Variants in EIF4G2 observed in about 807,000 individuals in gnomAD.
The protein encoded by EIF4G2 is eukaryotic translation initiation factor 4 gamma 2.
EIF4G2 carries 8 observed loss-of-function variants against 117.7 expected under a neutral mutation model. The observed-to-expected ratio is 0.07, with a 90% CI of 0.04 to 0.12. The LOEUF (loss-of-function observed/expected upper bound fraction) is 0.12, where lower values mean the gene tolerates loss of function less well. Among genes scored for constraint, EIF4G2 ranks in the 10% least tolerant of loss-of-function variants. EIF4G2 has a pLI of 1.00. For missense variants in EIF4G2, 812 were observed against 1,086.2 expected (o/e 0.75, Z 3.55); for synonymous variants, 413 against 367.8 (o/e 1.12, Z -1.41).
At chr11:10,805,876 A>G (rs755173121) in intron 4 of EIF4G2, 31 bp downstream of exon 4, 14 of 1,614,132 alleles carry the variant, frequency 8.7e-6, no homozygotes, top group Non-Finnish European at 1.1e-5. Flanking sequence ...CACACTTCCC[A>G]TCTTTTAGTA....
chr11:10,801,577 T>G, intron 14 of EIF4G2, 84 bp downstream of exon 14: 1 of 1,220,122 alleles, frequency 8.2e-7, no homozygotes, highest in Non-Finnish European at 1.2e-6. Context: ...AAAGTCCTCT[T>G]AATAACGCGT....
In EIF4G2 at chr11:10,803,388, C is replaced by T; in HGVS notation, c.813+92G>A. On this transcript the variant is annotated intron_variant, in intron 9 of 21. Transcript: ENST00000339995. The surrounding 1 kb of genome is among the most constrained non-coding windows in gnomAD (Gnocchi z 4.0). ...TCTAAAATTATAACCCAGTTAATGG[C>T]TAAATATGGCAATCCCTTATGATGT... The T allele has an allele frequency of 2.6e-6, 4 of 1,554,072 alleles. No individual in the cohort carries two copies. The South Asian group carries it at 3.4e-5, about 13-fold the overall frequency.
Position 10,799,444 on chromosome 11 carries a change from G to C in EIF4G2, c.2325-20C>G. 1.2e-6 allele frequency: 2 copies of C among 1,611,424 alleles called. No homozygotes were observed. The highest frequency in any genetic ancestry group is 1.1e-5 in the South Asian group (1 of 91,068). On this transcript the variant is annotated intron_variant, in intron 19 of 21. Coordinates refer to ENST00000339995, the MANE Select transcript of EIF4G2 (RefSeq NM_001418.4). ...AAGAAGCTGGACAGAAAGAGGTCTT[G>C]TTAGAACCCAACAGTGAGTTTTCTT...
intron 11 of EIF4G2, 35 bp downstream of exon 11, chr11:10,802,995 G>A (rs1421439871): frequency 6.3e-7 from 1 of 1,588,138 alleles, no homozygotes; most frequent in Admixed American, 1.7e-5. Flanking sequence ...CACACACAGA[G>A]TCTATGTGAC....
At chr11:10,806,338 T>C (rs1306168383) in intron 3 of EIF4G2, 1 of 427,650 alleles carries the variant, frequency 2.3e-6, no homozygotes, top group East Asian at 4.2e-5. Context: ...GAACCACATT[T>C]TGAAAATTAA....
intron 1 of EIF4G2, 50 bp downstream of exon 1, chr11:10,808,655 G>A: frequency 6.0e-6 from 2 of 335,494 alleles, no homozygotes; most frequent in South Asian, 6.9e-5. Context: ...GACCAGGGAC[G>A]GCGGCCATTT....
chr11:10,801,138 CA>C (rs1564981880), intron 14 of EIF4G2, 51 bp from the exon 15 acceptor site: 1 of 1,607,254 alleles, frequency 6.2e-7, no homozygotes, highest in East Asian at 2.2e-5. Context: ...AGTTGGCGAA[CA>C]TATTAAATAC....
chr11:10,800,478 C>T lies in EIF4G2; in HGVS notation c.1814G>A (p.Ser605Asn), dbSNP rs761648336. ...GGCTATCCCTTCCTGTTTGAGTAAA[C>T]TGATCAAAGAACTTGCTTTTTCTTT... Residue 605 changes from serine to asparagine, a missense_variant, in exon 17 of 22, where the codon AGT becomes AAT. Physicochemically the swap from Ser to Asn is conservative, Grantham distance 46. Coordinates refer to ENST00000339995, the MANE Select transcript of EIF4G2 (RefSeq NM_001418.4). 1 of 1,614,196 alleles carries T rather than the reference C, an allele frequency of 6.2e-7. No individual in the cohort carries two copies. Among genetic ancestry groups the T allele is most frequent in the South Asian group, 1.1e-5 (1 of 91,082 alleles).
At position 10,807,576 on chromosome 11, in the gene EIF4G2, CAA is replaced by C. The variant is rs544737562; in HGVS notation, c.-86-197_-86-196del. The C allele has an allele frequency of 5.1e-4, 635 of 1,236,416 alleles. 11 individuals are homozygous for C. In the South Asian group the frequency reaches 0.012, roughly 24 times the overall value. The allele number at this position is 1,236,416 out of a possible 1,614,324, so 76.6% of individuals were successfully genotyped here. On this transcript the variant is annotated intron_variant, in intron 1 of 21. Transcript: ENST00000339995. The stretch of plus-strand genomic sequence containing the variant: ...GGAAATTCCCCGGTGTTCAAGGATG[CAA>C]AGAGACTTCGTAGAACACAAGAGCA...
In EIF4G2 at chr11:10,807,391, G is replaced by A. The variant is rs560535067; in HGVS notation, c.-86-10C>T. 8.2e-6 allele frequency: 13 copies of A among 1,590,534 alleles called. No individual in the cohort carries two copies. The East Asian group carries it at 2.7e-4, about 33-fold the overall frequency. ...AGGAGAAATGAAATACCTGGAACGA[G>A]AAAGAGCACCAAAATTAGACACTGC... On this transcript the variant is annotated splice_polypyrimidine_tract_variant and intron_variant, in intron 1 of 21. Transcript: ENST00000339995.
chr11:10,798,725 A>C (rs1038906483), intron 21 of EIF4G2: 1 of 283,898 alleles, frequency 3.5e-6, no homozygotes, highest in Non-Finnish European at 6.5e-6. Flanking sequence ...GCTTAAATCG[A>C]AACTTGTACA....
In EIF4G2 at chr11:10,808,758, G is replaced by A. The variant is rs1357700703; in HGVS notation, c.-140C>T. 1.2e-5 allele frequency: 2 copies of A among 161,492 alleles called. No homozygotes were observed. The highest frequency in any genetic ancestry group is 6.6e-5 in the Admixed American group (1 of 15,262). The allele number at this position is 161,492 out of a possible 1,614,324, so 10.0% of individuals were successfully genotyped here. ...GCAGCTGCCTCCTCAGGATCCGGTCGTCGGGGATAGGGAAGGGAGGGGAAA... is the reference window on the plus strand; with the variant it reads ...GCAGCTGCCTCCTCAGGATCCGGTCATCGGGGATAGGGAAGGGAGGGGAAA... On this transcript the variant is annotated 5_prime_UTR_variant, in exon 1 of 22. It adds an upstream start codon to the 5' untranslated region. Coordinates refer to ENST00000339995, the MANE Select transcript of EIF4G2 (RefSeq NM_001418.4).
intron 21 of EIF4G2, 195 bp downstream of exon 21, chr11:10,798,797 T>A: frequency 1.6e-6 from 1 of 632,618 alleles, no homozygotes; most frequent in Non-Finnish European, 2.6e-6. Flanking sequence ...TAACATCTTA[T>A]ACACCACTAG....
In EIF4G2 at chr11:10,807,669, G is replaced by A. The variant is rs929959966; in HGVS notation, c.-86-288C>T. On this transcript the variant is annotated intron_variant, in intron 1 of 21. Transcript: ENST00000339995. ...TCTACTATCTTTAAAACTGAGCACTGAGATCAATAGAAAAGTCTAACTACA... is the reference window on the plus strand; with the variant it reads ...TCTACTATCTTTAAAACTGAGCACTAAGATCAATAGAAAAGTCTAACTACA... The A allele has an allele frequency of 6.9e-6, 7 of 1,018,084 alleles. No homozygotes were observed. In the African/African-American group the frequency reaches 1.2e-4, roughly 17 times the overall value. The allele number at this position is 1,018,084 out of a possible 1,614,324, so 63.1% of individuals were successfully genotyped here.
At chr11:10,804,245 T>C in intron 6 of EIF4G2, 42 bp from the exon 7 acceptor site, 1 of 1,613,098 alleles carries the variant, frequency 6.2e-7, no homozygotes, top group Non-Finnish European at 8.5e-7. Context: ...AGGAAATTTT[T>C]CAAGTCAACT....
At chr11:10,801,556 A>G in intron 14 of EIF4G2, 105 bp downstream of exon 14, 1 of 1,012,818 alleles carries the variant, frequency 9.9e-7, no homozygotes, top group South Asian at 1.3e-5. Context: ...AAACGTCAAG[A>G]ACTCCAGCAT....
Position 10,803,835 on chromosome 11 carries a change from G to A in EIF4G2, c.702+64C>T. On this transcript the variant is annotated intron_variant, in intron 8 of 21. Transcript: ENST00000339995. The surrounding 1 kb of genome is among the most constrained non-coding windows in gnomAD (Gnocchi z 4.0). Reference sequence around the variant, plus strand: ...TAACTAGTCAACCTCCCTCTTAGATGAATAATTGACTCATTTCCTCCAAAC... The same window carrying A: ...TAACTAGTCAACCTCCCTCTTAGATAAATAATTGACTCATTTCCTCCAAAC... 1 of 1,550,854 alleles carries A rather than the reference G, an allele frequency of 6.4e-7. No individual in the cohort carries two copies. Among genetic ancestry groups the A allele is most frequent in the South Asian group, 1.2e-5 (1 of 83,810 alleles).
At chr11:10,808,209 C>G in intron 1 of EIF4G2, 3 of 1,133,550 alleles carry the variant, frequency 2.6e-6, no homozygotes, top group South Asian at 1.7e-5. Context: ...ACAAAAGGGG[C>G]AGAAATCATC....
Position 10,797,950 on chromosome 11 carries a change from G to T in EIF4G2, c.2659-69C>A. 7.1e-6 allele frequency: 10 copies of T among 1,408,522 alleles called. No homozygotes were observed. The highest frequency in any genetic ancestry group is 1.0e-5 in the Non-Finnish European group (10 of 1,001,058). 87.3% of individuals were successfully genotyped at this position (1,408,522 alleles called of 1,614,324 possible). On this transcript the variant is annotated intron_variant, in intron 21 of 21. Coordinates refer to ENST00000339995, the MANE Select transcript of EIF4G2 (RefSeq NM_001418.4). The surrounding 1 kb of genome is among the most constrained non-coding windows in gnomAD (Gnocchi z 4.5). ...CAGAAATCCATCCAAAAAGTTTTAGGTGGTACTACACAGTTTTAGAATATG... is the reference window on the plus strand; with the variant it reads ...CAGAAATCCATCCAAAAAGTTTTAGTTGGTACTACACAGTTTTAGAATATG...
Sources: gnomAD v4.1 joint callset for allele counts on GRCh38, gnomAD v4.1.1 for gene constraint, Gnocchi (gnomAD v3.1) non-coding constraint, MANE v1.5 for transcripts, NCBI Gene and HGNC (gene_info 2026-07-23, HGNC 2026-07-21) for gene names.